Variants in DIS3L2 observed in about 807,000 individuals in gnomAD.
DIS3L2 encodes DIS3 like 3'-5' exoribonuclease 2.
DIS3L2 carries 34 observed loss-of-function variants against 97.5 expected under a neutral mutation model. The observed-to-expected ratio is 0.35, with a 90% CI of 0.27 to 0.46. The LOEUF (loss-of-function observed/expected upper bound fraction) is 0.46. Among genes scored for constraint, DIS3L2 ranks in the 20% least tolerant of loss-of-function variants. The pLI is 1.00. For synonymous variants in DIS3L2, 435 were observed against 445.2 expected, an observed-to-expected ratio of 0.98 and a Z score of 0.29; for missense variants, 1,038 against 1,146.0, an observed-to-expected ratio of 0.91 and a Z score of 1.36.
At chr2:232,223,997 G>A (rs1692574966) in intron 10 of DIS3L2, among the ~76,000 whole-genome samples, 1 of 152,178 alleles carries the variant, frequency 6.6e-6, no homozygotes, top group Non-Finnish European at 1.5e-5. Context: ...CTGAGAGGTG[G>A]GAGGATCGTT....
chr2:232,335,717 A>G, intron 19 of DIS3L2, 56 bp from the exon 20 acceptor site: 2 of 1,522,756 alleles, frequency 1.3e-6, no homozygotes, highest in Non-Finnish European at 1.8e-6. Flanking sequence ...TCCAGGGTGG[A>G]AGGGCAGGCA....
intron 13 of DIS3L2, among the ~76,000 whole-genome samples, chr2:232,298,043 A>G (rs1210397432): frequency 3.3e-5 from 5 of 152,188 alleles, no homozygotes; most frequent in Non-Finnish European, 7.3e-5. Flanking sequence ...CATAGTCTTC[A>G]TGGTACACTG....
At chr2:232,106,825 A>G (rs1697370150) in intron 6 of DIS3L2, among the ~76,000 whole-genome samples, 1 of 152,260 alleles carries the variant, frequency 6.6e-6, no homozygotes, top group East Asian at 1.9e-4. Context: ...GCCACATGGC[A>G]CTTATTCTAA....
At chr2:232,206,571 C>T (rs949521308) in intron 9 of DIS3L2, among the ~76,000 whole-genome samples, 2 of 152,154 alleles carry the variant, frequency 1.3e-5, no homozygotes, top group Non-Finnish European at 2.9e-5. Flanking sequence ...CATGCAAAAA[C>T]TGTTCTCATC....
rs574549563 is a variant in DIS3L2 at position 232,342,676 on chromosome 2, C to T, written c.1582-669C>T. Reference sequence around the variant, plus strand: ...TGACACGCAACCTCAGGTTCCCACTCGTTTAGAAGGCTGCGTATGGTCTTC... The same window carrying T: ...TGACACGCAACCTCAGGTTCCCACTTGTTTAGAAGGCTGCGTATGGTCTTC... On this transcript the variant is annotated intron_variant, in intron 13 of 13. Transcript: ENST00000273009. Among the ~76,000 whole-genome samples, 6 of 152,322 alleles carry T rather than the reference C, an allele frequency of 3.9e-5. 1 individual carries two copies. The South Asian group carries it at 1.2e-3, about 32-fold the overall frequency.
chr2:232,333,227 G>A (rs1323967896), intron 16 of DIS3L2, among the ~76,000 whole-genome samples: 1 of 24,230 alleles, frequency 4.1e-5, no homozygotes, highest in African/African-American at 3.0e-4. Context: ...CTCCGCTGTC[G>A]CCTCCTCCTC....
chr2:232,161,490 A>T (rs1690649102), intron 8 of DIS3L2, among the ~76,000 whole-genome samples: 1 of 151,946 alleles, frequency 6.6e-6, no homozygotes, highest in African/African-American at 2.4e-5. Context: ...TTCTTTTTTG[A>T]GATAGCATCT....
rs575475187 is a variant in DIS3L2, at chr2:232,005,123, A to G, written c.-93-9712A>G. On this transcript the variant is annotated intron_variant, in intron 1 of 20. Transcript: ENST00000325385. ...AATTTTGGATTGTTTCCTGAATATT[A>G]TTTTATGTAGACTCTGAATTCTGTT... Among the ~76,000 whole-genome samples, 18 of 140,158 alleles carry G rather than the reference A, an allele frequency of 1.3e-4. No homozygotes were observed. The East Asian group carries it at 3.8e-3, about 30-fold the overall frequency. 91.9% of individuals were successfully genotyped at this position (140,158 alleles called of 152,430 possible). A position where few individuals can be genotyped will look rare whatever the true frequency, so the allele number is the denominator to read the frequency against.
At chr2:232,329,785 T>TGCCCGGGGGGGCCCCCCCC in intron 14 of DIS3L2, 28 bp from the exon 15 acceptor site, 8 of 967,122 alleles carry the variant, frequency 8.3e-6, no homozygotes, top group Admixed American at 3.4e-5. Context: ...ACCCCAGCGG[T>TGCCCGGGGGGGCCCCCCCC]CCCTCCCATC....
chr2:232,070,229 G>A (rs1695973864), intron 5 of DIS3L2, among the ~76,000 whole-genome samples: 2 of 152,192 alleles, frequency 1.3e-5, no homozygotes. Flanking sequence ...TCGTGCCACT[G>A]CACGCCAGCC....
At chr2:231,990,201 G>T (rs971949629) in intron 1 of DIS3L2, among the ~76,000 whole-genome samples, 2 of 151,682 alleles carry the variant, frequency 1.3e-5, no homozygotes, top group Admixed American at 6.6e-5. Flanking sequence ...TAAAGATGAG[G>T]TTTTAAGATG....
At chr2:232,262,979 C>T (rs1480017540) in intron 12 of DIS3L2, among the ~76,000 whole-genome samples, 1 of 152,192 alleles carries the variant, frequency 6.6e-6, no homozygotes, top group Non-Finnish European at 1.5e-5. Context: ...CATAGGTGTC[C>T]AGTGCCCATT....
At chr2:232,124,199 A>G (rs1014895198) in intron 6 of DIS3L2, among the ~76,000 whole-genome samples, 1 of 152,220 alleles carries the variant, frequency 6.6e-6, no homozygotes, top group South Asian at 2.1e-4. Flanking sequence ...CAAGAACCAT[A>G]AGAAAACACA....
At chr2:232,191,936 C>T (rs1413253797) in intron 9 of DIS3L2, among the ~76,000 whole-genome samples, 1 of 152,126 alleles carries the variant, frequency 6.6e-6, no homozygotes, top group Non-Finnish European at 1.5e-5. Flanking sequence ...GAATGTCTGT[C>T]AGACCTGAGA....
At chr2:232,202,096 A>C (rs1691908370) in intron 9 of DIS3L2, among the ~76,000 whole-genome samples, 1 of 151,946 alleles carries the variant, frequency 6.6e-6, no homozygotes, top group Non-Finnish European at 1.5e-5. Flanking sequence ...CTGCTTCAGG[A>C]TGTTGTTTTT....
intron 10 of DIS3L2, among the ~76,000 whole-genome samples, chr2:232,237,460 A>G (rs1016694666): frequency 2.6e-5 from 4 of 152,246 alleles, no homozygotes; most frequent in Non-Finnish European, 5.9e-5. Flanking sequence ...TTGAGGACCT[A>G]TTATGTGCCA....
chr2:232,121,297 T>C (rs907743174), intron 6 of DIS3L2, among the ~76,000 whole-genome samples: 1 of 152,200 alleles, frequency 6.6e-6, no homozygotes, highest in Non-Finnish European at 1.5e-5. Context: ...TTAGCCTGAT[T>C]TTTCTCCTAC....
intron 5 of DIS3L2, among the ~76,000 whole-genome samples, chr2:232,086,444 A>C (rs1696622745): frequency 6.8e-6 from 1 of 147,756 alleles, no homozygotes; most frequent in Non-Finnish European, 1.5e-5. Flanking sequence ...ACTGTGAGAA[A>C]GTTCAGCCTG....
rs546300367 is a variant in DIS3L2 at position 232,096,365 on chromosome 2, C to T, written c.601+8644C>T. On this transcript the variant is annotated intron_variant, in intron 6 of 20. Coordinates refer to ENST00000325385, the MANE Select transcript of DIS3L2 (RefSeq NM_152383.5). The stretch of plus-strand genomic sequence containing the variant: ...CCTCCCAAAGTGCTGGGATTACAAG[C>T]GTGAGCCACTGCACCCAGCGCCTTG... Among the ~76,000 whole-genome samples the T allele has an allele frequency of 2.8e-3, 428 of 151,204 alleles. 1 individual carries two copies. Among genetic ancestry groups the T allele is most frequent in the Non-Finnish European group, 4.7e-3 (316 of 67,848 alleles).
Sources: gnomAD v4.1 joint callset for allele counts (sites outside exome capture counted in the v4.1 genomes callset) on GRCh38, gnomAD v4.1.1 for gene constraint, MANE v1.5 for transcripts, NCBI Gene and HGNC (gene_info 2026-07-23, HGNC 2026-07-21) for gene names.